The following CENPO variants were observed in gnomAD, a reference collection of about 807,000 sequenced individuals.
CENPO encodes the protein centromeric protein O.
In CENPO, 30 loss-of-function variants were observed where a neutral mutation model predicts 36.1. The ratio of observed to expected loss-of-function variants is 0.83; its 90% confidence interval spans 0.62 to 1.13. The LOEUF (loss-of-function observed/expected upper bound fraction) is 1.13, where lower values mean the gene tolerates loss of function less well. CENPO is among the 50% of genes most tolerant of loss of function. CENPO has a pLI of 0.00. For missense variants in CENPO, 349 were observed against 357.8 expected (o/e 0.98, Z 0.20); for synonymous variants, 171 against 142.3 (o/e 1.20, Z -1.44).
intron 3 of CENPO, among the ~76,000 whole-genome samples, chr2:24,804,578 A>C (rs577726991): frequency 6.6e-6 from 1 of 152,054 alleles, no homozygotes; most frequent in East Asian, 1.9e-4. Flanking sequence ...TTTCTCCTTC[A>C]CTTATGAAGC....
chr2:24,806,124 G>A (rs545250064), intron 3 of CENPO, among the ~76,000 whole-genome samples: 1 of 152,256 alleles, frequency 6.6e-6, no homozygotes, highest in African/African-American at 2.4e-5. Context: ...CTCTGAGCCA[G>A]GCGCGGGATA....
At chr2:24,794,198 T>G (rs917369218) in intron 2 of CENPO, among the ~76,000 whole-genome samples, 1 of 152,246 alleles carries the variant, frequency 6.6e-6, no homozygotes, top group African/African-American at 2.4e-5. Context: ...ATCCATCATA[T>G]GCTCAGTGTT....
chr2:24,802,858 G>A (rs1244824658), intron 3 of CENPO, among the ~76,000 whole-genome samples: 1 of 152,068 alleles, frequency 6.6e-6, no homozygotes, highest in Non-Finnish European at 1.5e-5. Flanking sequence ...GAGTTAGGGA[G>A]GATTCCCTCT....
chr2:24,802,461 G>A (rs969765850), intron 3 of CENPO, among the ~76,000 whole-genome samples: 6 of 152,060 alleles, frequency 3.9e-5, no homozygotes, highest in Non-Finnish European at 7.4e-5. Flanking sequence ...ATTGGCTGTG[G>A]GTTTGTCATA....
Position 24,821,475 on chromosome 2 carries a change from G to A in CENPO, c.*2157G>A, listed in dbSNP as rs2148344754. ...GGTGGTGGGCCAGGCCCCTGCATGGGAAGGGAGCCTGCTGCGGGGCAGGCC... is the reference window on the plus strand; with the variant it reads ...GGTGGTGGGCCAGGCCCCTGCATGGAAAGGGAGCCTGCTGCGGGGCAGGCC... On this transcript the variant is annotated 3_prime_UTR_variant, in exon 8 of 8. Transcript: ENST00000380834. The A allele has an allele frequency of 1.2e-6, 2 of 1,608,378 alleles. No individual in the cohort carries two copies. Among genetic ancestry groups the A allele is most frequent in the East Asian group, 2.2e-5 (1 of 44,784 alleles).
chr2:24,811,346 A>G (rs1032364353), intron 3 of CENPO, among the ~76,000 whole-genome samples: 7 of 134,138 alleles, frequency 5.2e-5, no homozygotes, highest in African/African-American at 1.7e-4. Context: ...CAGTGGCACT[A>G]TCTCAGCTCA....
intron 2 of CENPO, among the ~76,000 whole-genome samples, chr2:24,794,188 A>C (rs1665774972): frequency 6.6e-6 from 1 of 152,224 alleles, no homozygotes; most frequent in South Asian, 2.1e-4. Flanking sequence ...GATAAGTTGC[A>C]TCCATCATAT....
At chr2:24,813,760 T>C (rs1666813645) in intron 3 of CENPO, among the ~76,000 whole-genome samples, 1 of 152,296 alleles carries the variant, frequency 6.6e-6, no homozygotes, top group South Asian at 2.1e-4. Flanking sequence ...CAGTGTGCCT[T>C]GCATATGAAT....
intron 3 of CENPO, among the ~76,000 whole-genome samples, chr2:24,805,521 G>C (rs182430057): frequency 6.6e-6 from 1 of 152,166 alleles, no homozygotes; most frequent in Non-Finnish European, 1.5e-5. Context: ...TGTCCTTTCT[G>C]TTTGTTAGTT....
At chr2:24,812,906 T>G (rs796937662) in intron 3 of CENPO, among the ~76,000 whole-genome samples, 2 of 148,994 alleles carry the variant, frequency 1.3e-5, no homozygotes, top group Non-Finnish European at 3.0e-5. Flanking sequence ...CCTGTAGTTT[T>G]TTTTTTTTTT....
chr2:24,816,075 A>G (rs1666926701), intron 5 of CENPO: 1 of 337,226 alleles, frequency 3.0e-6, no homozygotes, highest in Non-Finnish European at 5.5e-6. Context: ...CCTACTATGT[A>G]CCATACCGAG....
Position 24,819,924 on chromosome 2 carries a change from G to A in CENPO, c.*606G>A, listed in dbSNP as rs377675353. The A allele has an allele frequency of 6.2e-6, 10 of 1,612,594 alleles. No individual in the cohort carries two copies. Among genetic ancestry groups the A allele is most frequent in the Middle Eastern group, 1.6e-4 (1 of 6,076 alleles). On this transcript the variant is annotated 3_prime_UTR_variant, in exon 8 of 8. Coordinates refer to ENST00000380834, the MANE Select transcript of CENPO (RefSeq NM_001322101.2). ...TTCCGGTTTGGACTGTTGCAGGCTC[G>A]AGGCCATTCAGGAGTTGTCCACCAC...
chr2:24,820,336 A>T lies in CENPO; in HGVS notation c.*1018A>T. On this transcript the variant is annotated 3_prime_UTR_variant, in exon 8 of 8. Coordinates refer to ENST00000380834, the MANE Select transcript of CENPO (RefSeq NM_001322101.2). ...GCTGGGGGCCTCCTCTCATCCAGAGACTTCTCTCCTAGGATGGCCATGGTC... is the reference window on the plus strand; with the variant it reads ...GCTGGGGGCCTCCTCTCATCCAGAGTCTTCTCTCCTAGGATGGCCATGGTC... 2.3e-6 allele frequency: 3 copies of T among 1,324,230 alleles called. No individual in the cohort carries two copies. Among genetic ancestry groups the T allele is most frequent in the Non-Finnish European group, 2.9e-6 (3 of 1,039,634 alleles). The allele number at this position is 1,324,230 out of a possible 1,614,324, so 82.0% of individuals were successfully genotyped here. A position where few individuals can be genotyped will look rare whatever the true frequency, so the allele number is the denominator to read the frequency against.
intron 1 of CENPO, 22 bp from the exon 2 acceptor site, chr2:24,793,830 G>T: frequency 6.4e-7 from 1 of 1,566,040 alleles, no homozygotes; most frequent in Non-Finnish European, 8.8e-7. Context: ...TGATGTGACT[G>T]TTGCCATTTT....
chr2:24,797,592 G>T (rs1349622198), intron 2 of CENPO, among the ~76,000 whole-genome samples: 1 of 152,186 alleles, frequency 6.6e-6, no homozygotes, highest in African/African-American at 2.4e-5. Context: ...GGTCAGAGAG[G>T]TAAAATGTAA....
chr2:24,821,434 GCC>G lies in CENPO; in HGVS notation c.*2117_*2118del. ...ACCCGAATTGCCTCAGTTGTCCTGA[GCC>G]TCATGTCTCTCCTGGTGGTGGGCCA... is the stretch of plus-strand genomic sequence containing the variant. On this transcript the variant is annotated 3_prime_UTR_variant, in exon 8 of 8. Coordinates refer to ENST00000380834, the MANE Select transcript of CENPO (RefSeq NM_001322101.2). 1 of 1,564,646 alleles carries G rather than the reference GCC, an allele frequency of 6.4e-7. No homozygotes were observed. The highest frequency in any genetic ancestry group is 8.7e-7 in the Non-Finnish European group (1 of 1,151,560).
intron 3 of CENPO, among the ~76,000 whole-genome samples, chr2:24,800,392 T>C (rs1268279166): frequency 6.6e-6 from 1 of 152,192 alleles, no homozygotes; most frequent in Non-Finnish European, 1.5e-5. Context: ...TTGTTACATA[T>C]GTATACATGT....
chr2:24,801,302 C>G (rs1666156634), intron 3 of CENPO, among the ~76,000 whole-genome samples: 1 of 152,130 alleles, frequency 6.6e-6, no homozygotes, highest in Admixed American at 6.6e-5. Context: ...ATGGTAGTTT[C>G]TTTTGCTGTG....
At chr2:24,799,574 A>T (rs372578880) in intron 2 of CENPO, 101 bp from the exon 3 acceptor site, 3 of 27,900 alleles carry the variant, frequency 1.1e-4, no homozygotes, top group Non-Finnish European at 2.9e-4. Flanking sequence ...AAGTTCTGGT[A>T]AAAAAAAAAA....
Sources: gnomAD v4.1 joint callset for allele counts (sites outside exome capture counted in the v4.1 genomes callset) on GRCh38, gnomAD v4.1.1 for gene constraint, MANE v1.5 for transcripts, NCBI Gene and HGNC (gene_info 2026-07-23, HGNC 2026-07-21) for gene names.